Variants in ZNF385D observed in about 807,000 individuals in gnomAD.
The protein encoded by ZNF385D is zinc finger protein 659.
Under a neutral mutation model 35.8 loss-of-function variants are expected in ZNF385D, and 15 were observed. The observed-to-expected ratio is 0.42, with a 90% CI of 0.28 to 0.64. The LOEUF (loss-of-function observed/expected upper bound fraction) is 0.64, where lower values mean the gene tolerates loss of function less well. Ranked by LOEUF, ZNF385D falls within the 30% of genes least tolerant of loss-of-function variation. The pLI is 0.23. For missense variants in ZNF385D, 474 were observed against 494.6 expected, an observed-to-expected ratio of 0.96 and a Z score of 0.39; for synonymous variants, 212 against 186.8, an observed-to-expected ratio of 1.13 and a Z score of -1.10.
intron 2 of ZNF385D, among the ~76,000 whole-genome samples, chr3:22,342,475 T>C (rs1695471190): frequency 6.6e-6 from 1 of 152,054 alleles, no homozygotes; most frequent in African/African-American, 2.4e-5. Flanking sequence ...GGATCTAGAA[T>C]TGTCTCCTTT....
chr3:21,687,979 C>T (rs537045214), intron 1 of ZNF385D, among the ~76,000 whole-genome samples: 4 of 151,994 alleles, frequency 2.6e-5, no homozygotes, highest in Admixed American at 1.3e-4. Context: ...ACTGCAAGCT[C>T]GAGCTCCTAA....
In ZNF385D at chr3:21,522,917, A is replaced by T. The variant is rs1427526340; in HGVS notation, c.277-11894T>A. Among the ~76,000 whole-genome samples, 4 of 152,208 alleles carry T rather than the reference A, an allele frequency of 2.6e-5. No homozygotes were observed. The East Asian group carries it at 7.7e-4, about 29-fold the overall frequency. On this transcript the variant is annotated intron_variant, in intron 3 of 7. Transcript: ENST00000281523. ...GAGTTTAGTGTTTAGTTAGGTGCTA[A>T]CAGCACACTATCCACCGGTAGTATT...
chr3:21,673,688 T>G (rs2066642270), intron 1 of ZNF385D, among the ~76,000 whole-genome samples: 1 of 152,072 alleles, frequency 6.6e-6, no homozygotes, highest in Non-Finnish European at 1.5e-5. Flanking sequence ...AACCAAATTT[T>G]TAAAAAGTTA....
intron 2 of ZNF385D, among the ~76,000 whole-genome samples, chr3:22,221,927 G>C (rs1698279204): frequency 6.6e-6 from 1 of 151,994 alleles, no homozygotes; most frequent in South Asian, 2.1e-4. Flanking sequence ...AGAAACCATA[G>C]GTTTTCTAGG....
intron 2 of ZNF385D, among the ~76,000 whole-genome samples, chr3:22,170,639 AAG>A (rs1216511325): frequency 6.6e-6 from 1 of 152,216 alleles, no homozygotes; most frequent in Non-Finnish European, 1.5e-5. Context: ...GTCATTTTAA[AAG>A]AAAATTTATA....
At chr3:21,829,586 T>G (rs1694860501) in intron 3 of ZNF385D, among the ~76,000 whole-genome samples, 1 of 151,780 alleles carries the variant, frequency 6.6e-6, no homozygotes, top group Non-Finnish European at 1.5e-5. Flanking sequence ...ATGATACGAT[T>G]TAGCCTTCGA....
At chr3:21,984,955 T>C (rs916856250) in intron 3 of ZNF385D, among the ~76,000 whole-genome samples, 1 of 151,366 alleles carries the variant, frequency 6.6e-6, no homozygotes, top group Non-Finnish European at 1.5e-5. Context: ...ACTCATGATT[T>C]GGCTCTCTGT....
intron 3 of ZNF385D, chr3:21,849,541 G>A (rs1016742191): frequency 6.8e-6 from 1 of 146,874 alleles, no homozygotes; most frequent in South Asian, 2.2e-4. Context: ...ATTCTATTCT[G>A]TTCTTCCATT....
intron 4 of ZNF385D, among the ~76,000 whole-genome samples, chr3:21,482,972 A>G (rs1289596527): frequency 6.6e-6 from 1 of 152,184 alleles, no homozygotes; most frequent in African/African-American, 2.4e-5. Flanking sequence ...GACATTAGAC[A>G]GTATTATTAA....
intron 3 of ZNF385D, among the ~76,000 whole-genome samples, chr3:22,075,284 TTTTCC>T (rs905074763): frequency 9.2e-5 from 14 of 151,792 alleles, no homozygotes; most frequent in Admixed American, 7.2e-4. Context: ...ACTTAAAAAA[TTTTCC>T]TTTCCAGTTT....
At chr3:22,193,614 C>G (rs1415890964) in intron 2 of ZNF385D, among the ~76,000 whole-genome samples, 1 of 151,810 alleles carries the variant, frequency 6.6e-6, no homozygotes, top group East Asian at 1.9e-4. Flanking sequence ...TCTATTTGAC[C>G]ACTGAACTCT....
intron 3 of ZNF385D, among the ~76,000 whole-genome samples, chr3:21,550,629 C>G (rs550705795): frequency 6.6e-6 from 1 of 152,096 alleles, no homozygotes; most frequent in Admixed American, 6.6e-5. Flanking sequence ...ATTGCAGGCG[C>G]GTGCCACCAT....
intron 3 of ZNF385D, among the ~76,000 whole-genome samples, chr3:21,935,523 G>C (rs973548238): frequency 3.9e-5 from 6 of 152,130 alleles, no homozygotes; most frequent in Admixed American, 6.6e-5. Flanking sequence ...AAACCTGCTG[G>C]TTCTTTCAAT....
intron 2 of ZNF385D, among the ~76,000 whole-genome samples, chr3:22,175,829 C>G (rs1012929760): frequency 6.7e-6 from 1 of 150,210 alleles, no homozygotes; most frequent in South Asian, 2.1e-4. Flanking sequence ...ATCAAATAAA[C>G]TACTTCAGTA....
intron 2 of ZNF385D, among the ~76,000 whole-genome samples, chr3:22,198,638 A>C (rs1206165169): frequency 6.6e-6 from 1 of 152,074 alleles, no homozygotes; most frequent in Non-Finnish European, 1.5e-5. Context: ...TTTTTCTTAC[A>C]TTTTATGCTG....
intron 3 of ZNF385D, among the ~76,000 whole-genome samples, chr3:22,153,708 C>T (rs1705411255): frequency 6.6e-6 from 1 of 152,058 alleles, no homozygotes; most frequent in Non-Finnish European, 1.5e-5. Flanking sequence ...AAGTGATCCA[C>T]CCACCTCGGC....
intron 4 of ZNF385D, among the ~76,000 whole-genome samples, chr3:21,501,673 T>C (rs1159385815): frequency 6.6e-6 from 1 of 152,242 alleles, no homozygotes; most frequent in Non-Finnish European, 1.5e-5. Flanking sequence ...TCTTTTGTAA[T>C]ATTTAAGATT....
At chr3:21,980,650 C>T (rs185173855) in intron 3 of ZNF385D, among the ~76,000 whole-genome samples, 1 of 152,254 alleles carries the variant, frequency 6.6e-6, no homozygotes, top group East Asian at 1.9e-4. Flanking sequence ...GTTGTACACA[C>T]TATTTCGTCA....
intron 3 of ZNF385D, among the ~76,000 whole-genome samples, chr3:21,784,904 T>C (rs1433845339): frequency 6.6e-6 from 1 of 152,116 alleles, no homozygotes; most frequent in East Asian, 1.9e-4. Flanking sequence ...ATCATGGACT[T>C]TTTTGCATTT....
Sources: gnomAD v4.1 joint callset for allele counts (sites outside exome capture counted in the v4.1 genomes callset) on GRCh38, gnomAD v4.1.1 for gene constraint, MANE v1.5 for transcripts, NCBI Gene and HGNC (gene_info 2026-07-23, HGNC 2026-07-21) for gene names.